RYR2: variants seen among roughly 807,000 people sequenced by gnomAD.
RYR2 encodes ryanodine receptor 2.
In RYR2, 227 loss-of-function variants were observed where a neutral mutation model predicts 601.1. The ratio of observed to expected loss-of-function variants is 0.38; its 90% CI spans 0.34 to 0.42. RYR2 has a LOEUF of 0.42. RYR2 is among the 10% of genes least tolerant of loss of function. The pLI, the probability that RYR2 is intolerant of heterozygous loss-of-function variation, is 1.00. For missense variants in RYR2, 4,646 were observed against 6,156.5 expected, an observed-to-expected ratio of 0.75 and a Z score of 8.21; for synonymous variants, 2,223 against 2,175.1, an observed-to-expected ratio of 1.02 and a Z score of -0.61.
chr1:237,251,558 T>C (rs1353235604), intron 1 of RYR2, among the ~76,000 whole-genome samples: 1 of 152,214 alleles, frequency 6.6e-6, no homozygotes, highest in Admixed American at 6.5e-5. Flanking sequence ...CCTCCCCTCT[T>C]TCCAACCTCA....
chr1:237,307,070 G>C (rs59008456), intron 2 of RYR2, among the ~76,000 whole-genome samples: 1 of 152,058 alleles, frequency 6.6e-6, no homozygotes, highest in African/African-American at 2.4e-5. Context: ...TATGTCCTCT[G>C]TCACAAGATC....
At chr1:237,522,763 C>T (rs1468899050) in intron 24 of RYR2, among the ~76,000 whole-genome samples, 1 of 152,104 alleles carries the variant, frequency 6.6e-6, no homozygotes, top group Non-Finnish European at 1.5e-5. Context: ...TGCTTCCTAA[C>T]AGTCTGTTTA....
intron 1 of RYR2, among the ~76,000 whole-genome samples, chr1:237,083,714 T>C (rs1190162070): frequency 6.6e-6 from 1 of 152,112 alleles, no homozygotes; most frequent in East Asian, 1.9e-4. Flanking sequence ...TGCCCCAAAA[T>C]GCTAGACACA....
intron 16 of RYR2, among the ~76,000 whole-genome samples, chr1:237,462,003 A>T (rs1434919533): frequency 1.3e-5 from 2 of 152,176 alleles, no homozygotes; most frequent in Admixed American, 6.6e-5. Context: ...AATTCATTGT[A>T]ATCATAAGAT....
rs727505346 is a variant in RYR2 at position 237,756,316 on chromosome 1, T to C, written c.11174T>C (p.Leu3725Pro). 2 of 1,613,402 alleles carry C rather than the reference T, an allele frequency of 1.2e-6. No homozygotes were observed. Among genetic ancestry groups the C allele is most frequent in the African/African-American group, 1.3e-5 (1 of 74,916 alleles). ...AAAGAAATGGAAAAGCAAAAGCTTCTATACCAGCAAGCCCGACTCCACGAT... is the reference window on the plus strand; with the variant it reads ...AAAGAAATGGAAAAGCAAAAGCTTCCATACCAGCAAGCCCGACTCCACGAT... ...EEKEMEKQKL[L>P]YQQARLHDRG... Residue 3725 changes from leucine (L) to proline (P), a missense_variant, in exon 81 of 105, where the codon CTA becomes CCA. Transcript: ENST00000366574.
At chr1:237,677,352 G>A (rs1685490129) in intron 60 of RYR2, among the ~76,000 whole-genome samples, 1 of 152,120 alleles carries the variant, frequency 6.6e-6, no homozygotes, top group Non-Finnish European at 1.5e-5. Context: ...CATGAAGGAG[G>A]TGAGAAAGGC....
chr1:237,780,406 C>T (rs1694999288), intron 88 of RYR2, among the ~76,000 whole-genome samples: 1 of 152,162 alleles, frequency 6.6e-6, no homozygotes, highest in African/African-American at 2.4e-5. Context: ...TGCTACCTAG[C>T]ACTTGTTCAT....
intron 63 of RYR2, among the ~76,000 whole-genome samples, chr1:237,693,921 A>G (rs1425744086): frequency 6.6e-6 from 1 of 152,222 alleles, no homozygotes; most frequent in Non-Finnish European, 1.5e-5. Flanking sequence ...CTCAGAAGTT[A>G]TTATATTAGA....
Position 237,124,493 on chromosome 1 carries a change from A to G in RYR2, c.48+81924A>G, listed in dbSNP as rs1043142334. Among the ~76,000 whole-genome samples the G allele has an allele frequency of 5.3e-5, 8 of 152,356 alleles. No homozygotes were observed. In the South Asian group the frequency reaches 1.7e-3, roughly 32 times the overall value. Reference sequence around the variant, plus strand: ...GGTCTGTAAAGGGTCTCAGTGGGCTAAAATCAAGGTGTTGGCAGAACTACA... The same window carrying G: ...GGTCTGTAAAGGGTCTCAGTGGGCTGAAATCAAGGTGTTGGCAGAACTACA... On this transcript the variant is annotated intron_variant, in intron 1 of 104. Coordinates refer to ENST00000366574, the MANE Select transcript of RYR2 (RefSeq NM_001035.3).
chr1:237,143,061 G>A (rs1049098243), intron 1 of RYR2, among the ~76,000 whole-genome samples: 1 of 152,146 alleles, frequency 6.6e-6, no homozygotes, highest in Non-Finnish European at 1.5e-5. Context: ...TTCACAGTTT[G>A]TCTTCAGTGA....
intron 14 of RYR2, among the ~76,000 whole-genome samples, chr1:237,446,169 T>C (rs1708316677): frequency 6.6e-6 from 1 of 152,158 alleles, no homozygotes; most frequent in Non-Finnish European, 1.5e-5. Flanking sequence ...AGTTTTGATA[T>C]GTATTTTTTT....
chr1:237,615,922 G>A (rs1573133833), intron 37 of RYR2, among the ~76,000 whole-genome samples: 1 of 152,128 alleles, frequency 6.6e-6, no homozygotes, highest in East Asian at 1.9e-4. Context: ...GCAGTTACAA[G>A]AAAAAGGAAC....
At chr1:237,336,287 A>G (rs1697231332) in intron 3 of RYR2, among the ~76,000 whole-genome samples, 1 of 152,218 alleles carries the variant, frequency 6.6e-6, no homozygotes, top group South Asian at 2.1e-4. Context: ...TGAGCTCATT[A>G]GGCAATTCCT....
rs1553265001 is a variant in RYR2 at position 237,641,489 on chromosome 1, C to CTTTCTTTCTTTCTT, written c.7221+489_7221+502dup. On this transcript the variant is annotated intron_variant, in intron 47 of 104. Transcript: ENST00000366574. ...TCTGTCTGTCTTTCTTTCTTTCTTT[C>CTTTCTTTCTTTCTT]TTTCTTTCTTTCTTTCTTTCTTTCT... Among the ~76,000 whole-genome samples, 423 of 125,082 alleles carry CTTTCTTTCTTTCTT rather than the reference C, an allele frequency of 3.4e-3. 3 individuals are homozygous for CTTTCTTTCTTTCTT. Among genetic ancestry groups the CTTTCTTTCTTTCTT allele is most frequent in the African/African-American group, 5.2e-3 (171 of 32,996 alleles). The allele number at this position is 125,082 out of a possible 152,430, so 82.1% of individuals were successfully genotyped here.
intron 3 of RYR2, among the ~76,000 whole-genome samples, chr1:237,333,204 C>A (rs925776641): frequency 1.3e-5 from 2 of 152,144 alleles, no homozygotes; most frequent in East Asian, 3.9e-4. Context: ...AAAACTGCTA[C>A]AAGGAATAAA....
chr1:237,417,932 G>A (rs942632048), intron 11 of RYR2, among the ~76,000 whole-genome samples: 1 of 152,070 alleles, frequency 6.6e-6, no homozygotes, highest in African/African-American at 2.4e-5. Context: ...ATTGATTTAG[G>A]ATGATAATTG....
chr1:237,374,327 C>G (rs983434959), intron 6 of RYR2, among the ~76,000 whole-genome samples: 5 of 151,450 alleles, frequency 3.3e-5, no homozygotes, highest in African/African-American at 9.7e-5. Context: ...TTGAGATCAC[C>G]TTGGGCAACA....
At chr1:237,547,943 TAA>T (rs1308825088) in intron 25 of RYR2, among the ~76,000 whole-genome samples, 1 of 152,172 alleles carries the variant, frequency 6.6e-6, no homozygotes, top group African/African-American at 2.4e-5. Flanking sequence ...AGTAAGGAAA[TAA>T]GTTACAAATG....
At chr1:237,412,689 G>A (rs13376665) in intron 10 of RYR2, among the ~76,000 whole-genome samples, 60,112 of 151,844 alleles carry the variant, frequency 0.4, 13,767 homozygotes, top group African/African-American at 0.64. Context: ...CATATCCGTC[G>A]ACCTTCCTGA....
Sources: gnomAD v4.1 joint callset for allele counts (sites outside exome capture counted in the v4.1 genomes callset) on GRCh38, gnomAD v4.1.1 for gene constraint, MANE v1.5 for transcripts, NCBI Gene and HGNC (gene_info 2026-07-23, HGNC 2026-07-21) for gene names.